Variants in LRP11 observed in about 807,000 individuals in gnomAD.
LRP11 encodes the protein LDL receptor related protein 11, also known as low-density lipoprotein receptor-related protein 11.
Under a neutral mutation model 43.1 loss-of-function variants are expected in LRP11, and 25 were observed. The ratio of observed to expected loss-of-function variants is 0.58; its 90% confidence interval spans 0.42 to 0.81. The LOEUF is 0.81. Among genes scored for constraint, LRP11 ranks in the 30% least tolerant of loss-of-function variants. The pLI is 0.00. For synonymous variants in LRP11, 316 were observed against 299.4 expected (o/e 1.06, Z -0.57); for missense variants, 623 against 665.1 (o/e 0.94, Z 0.70).
rs532038805 is a variant in LRP11 at position 149,825,793 on chromosome 6, C to T, written c.1348+471G>A. 5.9e-5 allele frequency among the ~76,000 whole-genome samples: 9 copies of T among 152,046 alleles called. No homozygotes were observed. In the East Asian group the frequency reaches 1.4e-3, roughly 23 times the overall value. The stretch of plus-strand genomic sequence containing the variant: ...ACCTCAGCCTCCCTGGGACTACAGG[C>T]GAATGTCACCACACTTGGCTAATTT... On this transcript the variant is annotated intron_variant, in intron 6 of 6. Coordinates refer to ENST00000239367, the MANE Select transcript of LRP11 (RefSeq NM_032832.6).
intron 5 of LRP11, among the ~76,000 whole-genome samples, chr6:149,835,306 G>T (rs1190571922): frequency 5.3e-5 from 8 of 151,742 alleles, no homozygotes; most frequent in Admixed American, 5.3e-4. Context: ...TCATGTTAAT[G>T]TATTTTAGGC....
At chr6:149,823,798 G>C (rs1776305701) in intron 6 of LRP11, among the ~76,000 whole-genome samples, 1 of 152,166 alleles carries the variant, frequency 6.6e-6, no homozygotes, top group Non-Finnish European at 1.5e-5. Flanking sequence ...GAAGAGGCCA[G>C]CATTCCTCCA....
intron 4 of LRP11, among the ~76,000 whole-genome samples, chr6:149,836,794 G>T (rs1431202194): frequency 6.6e-6 from 1 of 151,424 alleles, no homozygotes; most frequent in Non-Finnish European, 1.5e-5. Context: ...CAGCCTGGGT[G>T]ACAGAGTGAG....
chr6:149,844,487 C>A (rs1776602416), intron 2 of LRP11, among the ~76,000 whole-genome samples: 1 of 152,230 alleles, frequency 6.6e-6, no homozygotes, highest in African/African-American at 2.4e-5. Flanking sequence ...CATGCTGGAA[C>A]AACAGCTTCT....
At chr6:149,844,145 C>T (rs527442066) in intron 2 of LRP11, among the ~76,000 whole-genome samples, 4 of 151,158 alleles carry the variant, frequency 2.6e-5, no homozygotes, top group East Asian at 2.0e-4. Context: ...CCCAGGTACT[C>T]GGGAGGCTGA....
intron 5 of LRP11, among the ~76,000 whole-genome samples, chr6:149,830,415 A>C (rs1047967628): frequency 1.3e-5 from 2 of 152,208 alleles, no homozygotes; most frequent in Non-Finnish European, 2.9e-5. Context: ...ACTGATCCAA[A>C]GCAGTTTTCC....
Position 149,826,089 on chromosome 6 carries a change from T to C in LRP11, c.1348+175A>G, listed in dbSNP as rs180826182. 9 of 615,186 alleles carry C rather than the reference T, an allele frequency of 1.5e-5. No individual in the cohort carries two copies. In the East Asian group the frequency reaches 1.9e-4, roughly 13 times the overall value. 38.1% of individuals were successfully genotyped at this position (615,186 alleles called of 1,614,324 possible). On this transcript the variant is annotated intron_variant, in intron 6 of 6. Transcript: ENST00000239367. ...CTGAGGTCCAAAGATGGAAGGTTAC[T>C]ATCAGGAGCCCCAAGACGCAGTGCA...
intron 2 of LRP11, among the ~76,000 whole-genome samples, chr6:149,843,631 A>G (rs1013572361): frequency 2.0e-5 from 3 of 152,036 alleles, no homozygotes; most frequent in Non-Finnish European, 4.4e-5. Flanking sequence ...ACACTGACAC[A>G]TCGACTCATT....
At chr6:149,837,773 G>A (rs948622289) in intron 3 of LRP11, among the ~76,000 whole-genome samples, 1 of 152,166 alleles carries the variant, frequency 6.6e-6, no homozygotes, top group African/African-American at 2.4e-5. Flanking sequence ...CCCCGCCTCA[G>A]CTGTCTCCCT....
intron 1 of LRP11, among the ~76,000 whole-genome samples, chr6:149,859,455 T>C (rs1353413061): frequency 6.9e-6 from 1 of 144,550 alleles, no homozygotes; most frequent in Non-Finnish European, 1.5e-5. Context: ...GAGTCCAGTG[T>C]TGCAATCTCA....
At chr6:149,850,861 G>A (rs1267966130) in intron 2 of LRP11, among the ~76,000 whole-genome samples, 4 of 152,146 alleles carry the variant, frequency 2.6e-5, no homozygotes, top group East Asian at 1.9e-4. Flanking sequence ...CCACCTCAAA[G>A]TCTTCCACAA....
intron 6 of LRP11, 146 bp downstream of exon 6, chr6:149,826,118 C>T (rs1451229894): frequency 1.4e-6 from 1 of 733,466 alleles, no homozygotes; most frequent in East Asian, 2.5e-5. Flanking sequence ...CAGTGCAATA[C>T]AAGCAACGAG....
chr6:149,850,160 T>C (rs1252830713), intron 2 of LRP11, among the ~76,000 whole-genome samples: 1 of 152,192 alleles, frequency 6.6e-6, no homozygotes, highest in Non-Finnish European at 1.5e-5. Flanking sequence ...GGGCATCCAA[T>C]AACAGGTTTT....
At chr6:149,840,086 T>TA (rs1776525042) in intron 3 of LRP11, among the ~76,000 whole-genome samples, 1 of 152,172 alleles carries the variant, frequency 6.6e-6, no homozygotes, top group Non-Finnish European at 1.5e-5. Context: ...GTCAACTTAT[T>TA]AAAAATTGAA....
At chr6:149,860,412 C>T (rs1326804770) in intron 1 of LRP11, among the ~76,000 whole-genome samples, 1 of 152,106 alleles carries the variant, frequency 6.6e-6, no homozygotes, top group Non-Finnish European at 1.5e-5. Flanking sequence ...TCCCTCCCTC[C>T]CTCCCTCCTG....
intron 3 of LRP11, 51 bp downstream of exon 3, chr6:149,842,932 G>T: frequency 6.2e-7 from 1 of 1,608,016 alleles, no homozygotes. Flanking sequence ...GCGCCAACCC[G>T]ACATTGCCTT....
At position 149,819,198 on chromosome 6, in the gene LRP11, C is replaced by T. The variant is rs186656979; in HGVS notation, c.*1351G>A. Reference sequence around the variant, plus strand: ...ATTTTGATATGTTATATTCCCCACCCGAATTAAACCCTTTGTTAAAAGAAC... The same window carrying T: ...ATTTTGATATGTTATATTCCCCACCTGAATTAAACCCTTTGTTAAAAGAAC... On this transcript the variant is annotated 3_prime_UTR_variant, in exon 7 of 7. Coordinates refer to ENST00000239367, the MANE Select transcript of LRP11 (RefSeq NM_032832.6). 1 of 152,146 alleles carries T rather than the reference C, an allele frequency of 6.6e-6. No homozygotes were observed. The highest frequency in any genetic ancestry group is 1.9e-4 in the East Asian group (1 of 5,186). 9.4% of individuals were successfully genotyped at this position (152,146 alleles called of 1,614,324 possible).
intron 2 of LRP11, among the ~76,000 whole-genome samples, chr6:149,846,591 C>T (rs1776636148): frequency 6.6e-6 from 1 of 152,046 alleles, no homozygotes; most frequent in South Asian, 2.1e-4. Flanking sequence ...TGAGTCATGA[C>T]CAGATTCTGA....
chr6:149,847,989 GT>G (rs903739721), intron 2 of LRP11, among the ~76,000 whole-genome samples: 1 of 152,112 alleles, frequency 6.6e-6, no homozygotes, highest in Non-Finnish European at 1.5e-5. Context: ...GAAGTTGTTG[GT>G]TTAAATAATG....
Sources: gnomAD v4.1 joint callset for allele counts (sites outside exome capture counted in the v4.1 genomes callset) on GRCh38, gnomAD v4.1.1 for gene constraint, MANE v1.5 for transcripts, NCBI Gene and HGNC (gene_info 2026-07-23, HGNC 2026-07-21) for gene names.